SPATA33: variants seen among roughly 807,000 people sequenced by gnomAD.
The protein encoded by SPATA33 is spermatogenesis associated 33.
A neutral mutation model predicts 8.9 loss-of-function variants in SPATA33; 10 were observed. The observed-to-expected ratio is 1.12, with a 90% CI of 0.69 to 1.90. The LOEUF (loss-of-function observed/expected upper bound fraction) is 1.90, where lower values mean the gene tolerates loss of function less well. SPATA33 is among the 40% of genes most tolerant of loss of function. The pLI is 0.00. For synonymous variants in SPATA33, 96 were observed against 72.8 expected (o/e 1.32, Z -1.63); for missense variants, 241 against 178.3 (o/e 1.35, Z -2.00).
rs768938059 is a variant in SPATA33 at position 89,658,301 on chromosome 16, T to G, written c.91T>G (p.Leu31Val). Residue 31 changes from leucine to valine, a missense_variant, in exon 2 of 3, where the codon TTG becomes GTG. Coordinates refer to ENST00000579310, the MANE Select transcript of SPATA33 (RefSeq NM_001271907.2). ...TTCAGTTCCAAAATCTAAGGAGAAG[T>G]TGATGGAGAAGCATTCCCAGGAAGC... The part of the protein sequence containing the change: ...TYSVPKSKEK[L>V]MEKHSQEARQ... The G allele has an allele frequency of 2.2e-5, 36 of 1,613,936 alleles. No individual in the cohort carries two copies. Among genetic ancestry groups the G allele is most frequent in the Non-Finnish European group, 2.8e-5 (33 of 1,180,020 alleles).
In SPATA33 at chr16:89,670,309, C is replaced by G. The variant is rs1323658099; in HGVS notation, c.*812C>G. On this transcript the variant is annotated 3_prime_UTR_variant, in exon 3 of 3. Transcript: ENST00000579310. ...GGGAGGGTGCACCAGGCCCGCCCCA[C>G]CCTGTGAGAAGCCGCAGCCCGTTCT... 6.5e-6 allele frequency: 1 copy of G among 153,202 alleles called. No homozygotes were observed. Among genetic ancestry groups the G allele is most frequent in the Non-Finnish European group, 1.5e-5 (1 of 68,702 alleles). The allele number at this position is 153,202 out of a possible 1,614,324, so 9.5% of individuals were successfully genotyped here.
intron 2 of SPATA33, chr16:89,660,203 A>C (rs2151525763): frequency 4.0e-6 from 1 of 249,398 alleles, no homozygotes. Context: ...AGCCCCCCAC[A>C]CGCAGGCAGG....
chr16:89,669,240 G>C, intron 2 of SPATA33, 46 bp from the exon 3 acceptor site: 2 of 1,567,086 alleles, frequency 1.3e-6, no homozygotes, highest in Non-Finnish European at 8.8e-7. Context: ...ATCGTGGAAG[G>C]AGCTTTCCAC....
intron 2 of SPATA33, 54 bp from the exon 3 acceptor site, chr16:89,669,232 C>G: frequency 2.6e-6 from 4 of 1,521,350 alleles, no homozygotes; most frequent in Non-Finnish European, 3.6e-6. Context: ...GTGTGTGCAT[C>G]GTGGAAGGAG....
At chr16:89,659,035 G>C (rs1310927104) in intron 2 of SPATA33, 2 of 152,708 alleles carry the variant, frequency 1.3e-5, no homozygotes, top group African/African-American at 4.8e-5. Context: ...TGGGGCGGTA[G>C]TTCACACCTG....
At chr16:89,666,675 T>C (rs1304710763) in intron 2 of SPATA33, among the ~76,000 whole-genome samples, 2 of 152,258 alleles carry the variant, frequency 1.3e-5, no homozygotes, top group African/African-American at 4.8e-5. Context: ...AGACCGGTAG[T>C]GGCCCCAAAT....
intron 2 of SPATA33, among the ~76,000 whole-genome samples, chr16:89,663,535 A>G (rs559978527): frequency 4.6e-5 from 7 of 152,294 alleles, no homozygotes; most frequent in South Asian, 2.1e-4. Context: ...GTGAGCCACC[A>G]TACCCGGCCG....
At chr16:89,660,650 G>A (rs1326106286) in intron 2 of SPATA33, 10 of 928,862 alleles carry the variant, frequency 1.1e-5, no homozygotes, top group Non-Finnish European at 1.4e-5. Context: ...GACCACTCAT[G>A]TTGCAGTTCC....
At chr16:89,662,853 G>A (rs1024287447) in intron 2 of SPATA33, among the ~76,000 whole-genome samples, 2 of 152,100 alleles carry the variant, frequency 1.3e-5, no homozygotes, top group Admixed American at 6.5e-5. Context: ...GAGTGCAGTG[G>A]CACAATCTTG....
At chr16:89,662,685 CCAAAGTGCTGAGATCA>C (rs1360931350) in intron 2 of SPATA33, among the ~76,000 whole-genome samples, 1 of 152,194 alleles carries the variant, frequency 6.6e-6, no homozygotes, top group Non-Finnish European at 1.5e-5. Flanking sequence ...CCTCGGCCTC[CCAAAGTGCTGAGATCA>C]CAGGCGTGAG....
rs908040833 is a variant in SPATA33 at position 89,669,673 on chromosome 16, A to T, written c.*176A>T. 3.2e-6 allele frequency: 2 copies of T among 632,612 alleles called. No individual in the cohort carries two copies. Among genetic ancestry groups the T allele is most frequent in the East Asian group, 5.6e-5 (2 of 35,684 alleles). 39.2% of individuals were successfully genotyped at this position (632,612 alleles called of 1,614,324 possible). On this transcript the variant is annotated 3_prime_UTR_variant, in exon 3 of 3. Coordinates refer to ENST00000579310, the MANE Select transcript of SPATA33 (RefSeq NM_001271907.2). ...TCTCCAGTGCTTTCGGGGAGGGTGCACCAGGCCCGCCCCACCTTGTGAGAA... is the reference window on the plus strand; with the variant it reads ...TCTCCAGTGCTTTCGGGGAGGGTGCTCCAGGCCCGCCCCACCTTGTGAGAA...
intron 2 of SPATA33, among the ~76,000 whole-genome samples, chr16:89,661,770 C>T (rs1416931198): frequency 2.6e-5 from 4 of 152,094 alleles, no homozygotes; most frequent in African/African-American, 9.7e-5. Flanking sequence ...GACCTGGGCT[C>T]AGTCACGCCT....
chr16:89,663,027 T>C (rs1361025752), intron 2 of SPATA33, among the ~76,000 whole-genome samples: 1 of 144,338 alleles, frequency 6.9e-6, no homozygotes, highest in Non-Finnish European at 1.5e-5. Flanking sequence ...CTCCTGACTT[T>C]GTGAACCACC....
Position 89,669,533 on chromosome 16 carries a change from G to A in SPATA33, c.*36G>A, listed in dbSNP as rs17177773. 4,117 of 1,597,032 alleles carry A rather than the reference G, an allele frequency of 2.6e-3. 184 individuals are homozygous for A. In the East Asian group the frequency reaches 0.077, roughly 30 times the overall value. On this transcript the variant is annotated 3_prime_UTR_variant, in exon 3 of 3. Coordinates refer to ENST00000579310, the MANE Select transcript of SPATA33 (RefSeq NM_001271907.2). ...TTGCATGGCACTCGCTACTCCCTGC[G>A]ATAGGCGTCTCGGGAACAGCCGCCT...
chr16:89,660,037 C>A (rs1013249979), intron 2 of SPATA33: 2 of 153,032 alleles, frequency 1.3e-5, no homozygotes, highest in African/African-American at 4.8e-5. Flanking sequence ...CAGAAAAGCT[C>A]ACTAAACGCA....
intron 2 of SPATA33, among the ~76,000 whole-genome samples, chr16:89,664,527 G>A (rs535699921): frequency 6.6e-6 from 1 of 152,084 alleles, no homozygotes; most frequent in Non-Finnish European, 1.5e-5. Flanking sequence ...ACCTGATCAG[G>A]GAAGCCAGAC....
intron 2 of SPATA33, among the ~76,000 whole-genome samples, chr16:89,663,948 AT>A (rs1225573293): frequency 6.6e-6 from 1 of 152,134 alleles, no homozygotes; most frequent in Non-Finnish European, 1.5e-5. Flanking sequence ...GTGAAACCTG[AT>A]TTTTACAAAA....
At chr16:89,666,165 C>A (rs1020307293) in intron 2 of SPATA33, among the ~76,000 whole-genome samples, 70 of 152,000 alleles carry the variant, frequency 4.6e-4, no homozygotes, top group Non-Finnish European at 4.4e-4. Context: ...CTCTGATACT[C>A]AAGTAGGTTA....
intron 2 of SPATA33, chr16:89,661,015 G>A: frequency 2.0e-6 from 2 of 991,456 alleles, no homozygotes; most frequent in Non-Finnish European, 2.4e-6. Context: ...GCCTCCAACT[G>A]CCTGGACAAC....
Sources: allele counts gnomAD v4.1 joint callset (sites outside exome capture counted in the v4.1 genomes callset), GRCh38; gene constraint gnomAD v4.1.1; transcripts MANE v1.5; gene names NCBI Gene and HGNC (gene_info 2026-07-23, HGNC 2026-07-21).